SLC19A2: variants seen among roughly 807,000 people sequenced by gnomAD.
The protein encoded by SLC19A2 is solute carrier family 19 member 2, also known as thiamine transporter 1.
A neutral mutation model predicts 44.7 loss-of-function variants in SLC19A2; 27 were observed. That is an observed-to-expected ratio of 0.60 (90% CI 0.45 to 0.83). SLC19A2 has a LOEUF of 0.83. Among genes scored for constraint, SLC19A2 ranks in the 40% least tolerant of loss-of-function variants. The pLI is 0.00. For missense variants in SLC19A2, 566 were observed against 613.7 expected, an observed-to-expected ratio of 0.92 and a Z score of 0.82; for synonymous variants, 239 against 243.6, an observed-to-expected ratio of 0.98 and a Z score of 0.18.
intron 2 of SLC19A2, among the ~76,000 whole-genome samples, chr1:169,472,396 A>C (rs1658206931): frequency 6.6e-6 from 1 of 152,332 alleles, no homozygotes; most frequent in South Asian, 2.1e-4. Context: ...TGGAACTATT[A>C]AAAGGATTCA....
intron 5 of SLC19A2, among the ~76,000 whole-genome samples, chr1:169,466,288 T>G (rs2101771762): frequency 6.6e-6 from 1 of 152,328 alleles, no homozygotes; most frequent in Middle Eastern, 3.4e-3. Context: ...TTGGTACCCA[T>G]CAGTGAGATC....
rs1443060546 is a variant in SLC19A2 at position 169,485,712 on chromosome 1, G to A, written c.55C>T (p.Leu19Phe). The A allele has an allele frequency of 3.2e-6, 5 of 1,540,916 alleles. No individual in the cohort carries two copies. The East Asian group carries it at 9.8e-5, about 30-fold the overall frequency. The change falls in exon 1 of 6, where the codon CTC becomes TTC. Residue 19 changes from leucine (L) to phenylalanine (F), a missense_variant. Physicochemically the swap from Leu to Phe is conservative, Grantham distance 22 (BLOSUM62 0). Coordinates refer to ENST00000236137, the MANE Select transcript of SLC19A2 (RefSeq NM_006996.3). ...RRAAAAAATV[L>F]LRTARVRREC... ...CGACGGACCCGAGCGGTCCGCAGGA[G>A]CACAGTGGCCGCCGCCGCCGCCGCC...
chr1:169,466,929 A>G, intron 5 of SLC19A2, among the ~76,000 whole-genome samples: 1 of 152,186 alleles, frequency 6.6e-6, no homozygotes, highest in African/African-American at 2.4e-5. Context: ...CAAAAGTACA[A>G]TGAGAGTATG....
intron 4 of SLC19A2, 42 bp from the exon 5 acceptor site, chr1:169,468,294 TG>T (rs1366407784): frequency 6.7e-7 from 1 of 1,490,946 alleles, no homozygotes; most frequent in Non-Finnish European, 9.3e-7. Flanking sequence ...GAATTACTTC[TG>T]GAGTACTTAT....
chr1:169,485,176 A>C (rs1658525363), intron 1 of SLC19A2, among the ~76,000 whole-genome samples: 1 of 152,198 alleles, frequency 6.6e-6, no homozygotes, highest in Admixed American at 6.5e-5. Context: ...CAGTCAATGA[A>C]TATTTACTAA....
At chr1:169,475,584 T>C (rs1658286319) in intron 2 of SLC19A2, among the ~76,000 whole-genome samples, 1 of 152,170 alleles carries the variant, frequency 6.6e-6, no homozygotes, top group Admixed American at 6.5e-5. Flanking sequence ...TTATTTTTTT[T>C]CCACTTCATA....
chr1:169,471,461 C>A (rs1280645483), intron 2 of SLC19A2, among the ~76,000 whole-genome samples: 2 of 118,766 alleles, frequency 1.7e-5, no homozygotes, highest in Admixed American at 2.1e-4. Context: ...AAGATCCCGT[C>A]TCCACACACA....
chr1:169,477,988 C>A (rs1658365195), intron 1 of SLC19A2, among the ~76,000 whole-genome samples: 1 of 152,128 alleles, frequency 6.6e-6, no homozygotes, highest in Non-Finnish European at 1.5e-5. Flanking sequence ...CTCACTGCAA[C>A]CTCTGCCTCC....
rs116340475 is a variant in SLC19A2, at chr1:169,477,043, A to G, written c.807+112T>C. The G allele has an allele frequency of 3.3e-4, 402 of 1,223,446 alleles. 1 individual carries two copies. In the African/African-American group the frequency reaches 5.5e-3, roughly 17 times the overall value. 75.8% of individuals were successfully genotyped at this position (1,223,446 alleles called of 1,614,324 possible). A position where few individuals can be genotyped will look rare whatever the true frequency, so the allele number is the denominator to read the frequency against. ...ATAAAGCAATAAACCAACTCAGGATAAAACATGAATCCAAATAAATACAAG... is the reference window on the plus strand; with the variant it reads ...ATAAAGCAATAAACCAACTCAGGATGAAACATGAATCCAAATAAATACAAG... On this transcript the variant is annotated intron_variant, in intron 2 of 5. Transcript: ENST00000236137.
chr1:169,477,280 T>G lies in SLC19A2; in HGVS notation c.682A>C (p.Asn228His). 5 of 1,614,192 alleles carry G rather than the reference T, an allele frequency of 3.1e-6. No homozygotes were observed. The highest frequency in any genetic ancestry group is 1.7e-4 in the Middle Eastern group (1 of 6,058). ...CCACCATTTTGTACCTTGATGCCAT[T>G]CACTCTCTGGCAGGTAGAAGGAATG... Reference protein sequence around the residue: ...HHIPSTCQRVNGIKVQNGGIV... With the variant: ...HHIPSTCQRVHGIKVQNGGIV... The change falls in exon 2 of 6, where the codon AAT (asparagine) becomes CAT (histidine). Residue 228 changes from asparagine (N) to histidine (H), a missense_variant. By Grantham distance (68) the Asn-to-His change is moderately conservative (BLOSUM62 1). Transcript: ENST00000236137.
At chr1:169,485,322 G>A (rs2101787034) in intron 1 of SLC19A2, among the ~76,000 whole-genome samples, 1 of 152,342 alleles carries the variant, frequency 6.6e-6, no homozygotes, top group East Asian at 1.9e-4. Context: ...ACTGCCTGAC[G>A]CACAAGGCAC....
intron 2 of SLC19A2, 123 bp from the exon 3 acceptor site, chr1:169,470,309 T>C: frequency 1.2e-6 from 1 of 802,882 alleles, no homozygotes. Context: ...GCTTACTTCA[T>C]AAACTTATTA....
At chr1:169,479,766 G>T (rs1658404062) in intron 1 of SLC19A2, among the ~76,000 whole-genome samples, 2 of 152,180 alleles carry the variant, frequency 1.3e-5, no homozygotes, top group African/African-American at 4.8e-5. Flanking sequence ...GTAAAAGGCT[G>T]AATACTTTGT....
intron 5 of SLC19A2, 115 bp downstream of exon 5, chr1:169,467,996 T>C (rs1301029905): frequency 8.6e-6 from 9 of 1,049,990 alleles, no homozygotes; most frequent in Non-Finnish European, 1.3e-5. Context: ...AGGGTATGCT[T>C]TTACTTTACA....
At chr1:169,479,119 T>G (rs1255762924) in intron 1 of SLC19A2, among the ~76,000 whole-genome samples, 1 of 152,204 alleles carries the variant, frequency 6.6e-6, no homozygotes, top group African/African-American at 2.4e-5. Context: ...GAAAACGGAA[T>G]CACTGTCAAT....
At chr1:169,480,251 T>C (rs978203035) in intron 1 of SLC19A2, among the ~76,000 whole-genome samples, 2 of 152,212 alleles carry the variant, frequency 1.3e-5, no homozygotes, top group Non-Finnish European at 2.9e-5. Context: ...GATTTCCAGT[T>C]GTGTTCTAAT....
At chr1:169,481,723 G>A (rs921699094) in intron 1 of SLC19A2, among the ~76,000 whole-genome samples, 2 of 152,180 alleles carry the variant, frequency 1.3e-5, no homozygotes, top group African/African-American at 4.8e-5. Context: ...TGACCAAGGT[G>A]CCTTTCACAA....
Position 169,468,942 on chromosome 1 carries a change from A to G in SLC19A2, c.1031-106T>C, listed in dbSNP as rs3737683. 51,657 of 982,534 alleles carry G rather than the reference A, an allele frequency of 0.053. 1,755 individuals are homozygous for G. The highest frequency in any genetic ancestry group is 0.11 in the Middle Eastern group (365 of 3,346). The allele number at this position is 982,534 out of a possible 1,614,324, so 60.9% of individuals were successfully genotyped here. A position where few individuals can be genotyped will look rare whatever the true frequency, so the allele number is the denominator to read the frequency against. On this transcript the variant is annotated intron_variant, in intron 3 of 5. Coordinates refer to ENST00000236137, the MANE Select transcript of SLC19A2 (RefSeq NM_006996.3). ...TAAATTTTAAAATCTGCAAACTTAT[A>G]AACAGAATAGCTCAAGATTATGGAG...
At chr1:169,471,751 T>G (rs528957196) in intron 2 of SLC19A2, among the ~76,000 whole-genome samples, 8 of 151,586 alleles carry the variant, frequency 5.3e-5, no homozygotes, top group Admixed American at 3.3e-4. Context: ...ATAGATATTT[T>G]CTCCTCTTAT....
Sources: allele counts gnomAD v4.1 joint callset (sites outside exome capture counted in the v4.1 genomes callset), GRCh38; gene constraint gnomAD v4.1.1; transcripts MANE v1.5; gene names NCBI Gene and HGNC (gene_info 2026-07-23, HGNC 2026-07-21).